Variants in ST6GALNAC1 observed in about 807,000 individuals in gnomAD.
ST6GALNAC1 encodes ST6 N-acetylgalactosaminide alpha-2,6-sialyltransferase 1, also known as alpha-N-acetylgalactosaminide alpha-2,6-sialyltransferase 1.
In ST6GALNAC1, 45 loss-of-function variants were observed where a neutral mutation model predicts 56.8. The observed-to-expected ratio is 0.79, with a 90% CI of 0.62 to 1.02. The LOEUF is 1.02. ST6GALNAC1 is among the 50% of genes least tolerant of loss of function. The pLI is 0.00. For missense variants in ST6GALNAC1, 743 were observed against 754.8 expected (o/e 0.98, Z 0.18); for synonymous variants, 295 against 297.8 (o/e 0.99, Z 0.10).
At chr17:76,636,674 G>A (rs905806488) in intron 1 of ST6GALNAC1, among the ~76,000 whole-genome samples, 2 of 145,402 alleles carry the variant, frequency 1.4e-5, no homozygotes, top group African/African-American at 2.7e-5. Context: ...CCACCCAGCC[G>A]CCGCCCCGTC....
chr17:76,643,273 C>T (rs919956442), intron 1 of ST6GALNAC1, among the ~76,000 whole-genome samples: 4 of 152,236 alleles, frequency 2.6e-5, no homozygotes, highest in African/African-American at 9.7e-5. Context: ...ACGTGTCCCA[C>T]AGTATCTGGA....
At chr17:76,643,404 T>G in intron 1 of ST6GALNAC1, 104 bp downstream of exon 1, 2 of 1,272,646 alleles carry the variant, frequency 1.6e-6, no homozygotes, top group Non-Finnish European at 2.2e-6. Flanking sequence ...CACTCCCATG[T>G]GGACACACAG....
At chr17:76,631,726 C>T (rs982760075) in intron 1 of ST6GALNAC1, among the ~76,000 whole-genome samples, 5 of 152,112 alleles carry the variant, frequency 3.3e-5, no homozygotes, top group Non-Finnish European at 7.4e-5. Flanking sequence ...ATTTTTCACT[C>T]TAGCAGAAGA....
In ST6GALNAC1 at chr17:76,625,492, C is replaced by T. The variant is rs375478556; in HGVS notation, c.1641G>A (p.Glu547=). The part of the protein sequence containing the change: ...SAYGFITEGH[E]RFSDHYYDTS... ...TATCATAGTAGTGATCAGAAAAGCG[C>T]TCATGGCCCTCAGTGATGAAGCCAT... The change falls in exon 9 of 9, where the codon GAG becomes GAA. Residue 547 remains glutamate (E), a synonymous_variant. Transcript: ENST00000156626. The T allele has an allele frequency of 1.7e-5, 28 of 1,613,992 alleles. No homozygotes were observed. The highest frequency in any genetic ancestry group is 2.2e-5 in the Non-Finnish European group (26 of 1,180,048).
intron 1 of ST6GALNAC1, among the ~76,000 whole-genome samples, chr17:76,636,089 A>G (rs1351511711): frequency 6.6e-6 from 1 of 152,236 alleles, no homozygotes; most frequent in East Asian, 1.9e-4. Context: ...GCCTTAAAAC[A>G]TGAAAGGATA....
chr17:76,625,353 C>G lies in ST6GALNAC1; in HGVS notation c.1780G>C (p.Gly594Arg), dbSNP rs755142819. 6.2e-7 allele frequency: 1 copy of G among 1,613,586 alleles called. No individual in the cohort carries two copies. The highest frequency in any genetic ancestry group is 8.5e-7 in the Non-Finnish European group (1 of 1,179,990). Residue 594 changes from glycine (G) to arginine (R), a missense_variant, in exon 9 of 9, where the codon GGA becomes CGA. Gly to Arg is a moderately radical substitution (Grantham distance 125, BLOSUM62 -2). Transcript: ENST00000156626. ...IIRLYQRPGP[G>R]TAKAKN ...GGTCAGTTCTTGGCTTTGGCAGTTC[C>G]GGGACCAGGACGCTGGTACAGCCGG...
chr17:76,622,923 A>G (rs2075756342), downstream of ST6GALNAC1, among the ~76,000 whole-genome samples: 1 of 151,786 alleles, frequency 6.6e-6, no homozygotes, highest in Admixed American at 6.6e-5. Flanking sequence ...CCTCCAGAGT[A>G]GCTGGGATTA....
In ST6GALNAC1 at chr17:76,625,199, G is replaced by C; in HGVS notation, c.*131C>G. ...TGAGAGAGTCTTGTCCATGGTTCAA[G>C]TGTTCCCTTGGAACTCCTGAAGGGC... On this transcript the variant is annotated 3_prime_UTR_variant, in exon 9 of 9. Coordinates refer to ENST00000156626, the MANE Select transcript of ST6GALNAC1 (RefSeq NM_018414.5). 1 of 920,294 alleles carries C rather than the reference G, an allele frequency of 1.1e-6. No homozygotes were observed. The highest frequency in any genetic ancestry group is 1.6e-6 in the Non-Finnish European group (1 of 620,984). 57.0% of individuals were successfully genotyped at this position (920,294 alleles called of 1,614,324 possible).
Position 76,626,661 on chromosome 17 carries a change from G to C in ST6GALNAC1, c.1301C>G (p.Pro434Arg). 2 of 1,614,188 alleles carry C rather than the reference G, an allele frequency of 1.2e-6. No individual in the cohort carries two copies. The highest frequency in any genetic ancestry group is 1.7e-6 in the Non-Finnish European group (2 of 1,180,036). The change falls in exon 5 of 9, where the codon CCT (proline) becomes CGT (arginine). Residue 434 changes from proline (P) to arginine (R), a missense_variant. Physicochemically the swap from Pro to Arg is moderately radical, Grantham distance 103. Transcript: ENST00000156626. The part of the protein sequence containing the change: ...ILGNRGFKNV[P>R]LGKDVRYLHF... Reference sequence around the variant, plus strand: ...TTCCTCTTTGCTCACCTTCCCAAGAGGCACGTTCTTGAAACCCCGATTGCC... The same window carrying C: ...TTCCTCTTTGCTCACCTTCCCAAGACGCACGTTCTTGAAACCCCGATTGCC...
chr17:76,642,006 G>GAT (rs893784117), intron 1 of ST6GALNAC1: 1 of 5,952 alleles, frequency 1.7e-4, no homozygotes, highest in African/African-American at 3.3e-4. Flanking sequence ...AAATCTATAT[G>GAT]ATATATATGT....
At chr17:76,633,369 G>A (rs1377715369) in intron 1 of ST6GALNAC1, among the ~76,000 whole-genome samples, 1 of 152,130 alleles carries the variant, frequency 6.6e-6, no homozygotes, top group Admixed American at 6.5e-5. Context: ...AATTAGCCGG[G>A]CATGGTGGCA....
At chr17:76,624,262 T>C (rs1318832965), downstream of ST6GALNAC1, among the ~76,000 whole-genome samples, 1 of 152,124 alleles carries the variant, frequency 6.6e-6, no homozygotes, top group Non-Finnish European at 1.5e-5. Context: ...ATTTTTGTTA[T>C]TTTTTTGAGA....
chr17:76,626,096 C>T lies in ST6GALNAC1; in HGVS notation c.1416-1G>A. The stretch of plus-strand genomic sequence containing the variant: ...CCGAAAAGCTTCCTGGGGTCTGTGC[C>T]TGTGGTTAGGAAGGGGTCATTCAGA... On this transcript the variant is annotated splice_acceptor_variant, in intron 6 of 8. Transcript: ENST00000156626. LOFTEE classifies it high-confidence loss of function. 1 of 1,614,058 alleles carries T rather than the reference C, an allele frequency of 6.2e-7. No homozygotes were observed. The highest frequency in any genetic ancestry group is 1.1e-5 in the South Asian group (1 of 91,070).
intron 1 of ST6GALNAC1, among the ~76,000 whole-genome samples, chr17:76,636,968 C>T (rs1397227753): frequency 3.3e-5 from 5 of 152,090 alleles, no homozygotes; most frequent in African/African-American, 1.2e-4. Flanking sequence ...TATGACCTTA[C>T]CCCCAACCCC....
intron 7 of ST6GALNAC1, 30 bp downstream of exon 7, chr17:76,625,976 G>A: frequency 4.3e-6 from 7 of 1,612,042 alleles, no homozygotes; most frequent in Non-Finnish European, 5.9e-6. Flanking sequence ...CAGGGACCTG[G>A]GCTACGTGTC....
chr17:76,635,007 C>G (rs565898512), intron 1 of ST6GALNAC1, among the ~76,000 whole-genome samples: 1 of 152,176 alleles, frequency 6.6e-6, no homozygotes, highest in East Asian at 1.9e-4. Flanking sequence ...TGTGTCTATA[C>G]GCTGCTTCCA....
At chr17:76,637,798 G>C in intron 1 of ST6GALNAC1, 1 of 398,516 alleles carries the variant, frequency 2.5e-6, no homozygotes, top group Non-Finnish European at 4.4e-6. Context: ...TGGGAGTTCA[G>C]AATCAGAAAT....
At chr17:76,623,228 C>A (rs1210403336), downstream of ST6GALNAC1, among the ~76,000 whole-genome samples, 1 of 152,160 alleles carries the variant, frequency 6.6e-6, no homozygotes, top group Non-Finnish European at 1.5e-5. Flanking sequence ...TCTGTCTATT[C>A]CTGCTTCAGT....
chr17:76,636,714 C>G (rs1406973708), intron 1 of ST6GALNAC1, among the ~76,000 whole-genome samples: 1 of 152,062 alleles, frequency 6.6e-6, no homozygotes, highest in Non-Finnish European at 1.5e-5. Context: ...CTGACCGCCG[C>G]CCCGTCTGGG....
Sources: gnomAD v4.1 joint callset for allele counts (sites outside exome capture counted in the v4.1 genomes callset) on GRCh38, gnomAD v4.1.1 for gene constraint, MANE v1.5 for transcripts, NCBI Gene and HGNC (gene_info 2026-07-23, HGNC 2026-07-21) for gene names.